NXPE4: variants seen among roughly 807,000 people sequenced by gnomAD.
The protein encoded by NXPE4 is NXPE family member 4.
Under a neutral mutation model 33.3 loss-of-function variants are expected in NXPE4, and 42 were observed. That is an observed-to-expected ratio of 1.26 (90% CI 0.98 to 1.63). The LOEUF (loss-of-function observed/expected upper bound fraction) is 1.63, where lower values mean the gene tolerates loss of function less well. Among genes scored for constraint, NXPE4 ranks in the 40% most tolerant of loss-of-function variants. NXPE4 has a pLI of 0.00. For missense variants in NXPE4, 709 were observed against 647.6 expected (o/e 1.09, Z -1.03); for synonymous variants, 253 against 234.9 (o/e 1.08, Z -0.71).
intron 5 of NXPE4, among the ~76,000 whole-genome samples, chr11:114,575,021 C>T (rs778325946): frequency 1.6e-4 from 24 of 151,930 alleles, no homozygotes; most frequent in Non-Finnish European, 2.4e-4. Flanking sequence ...ATACCAGGGA[C>T]GCAGGGATGG....
upstream of NXPE4, among the ~76,000 whole-genome samples, chr11:114,598,707 G>C (rs925197434): frequency 6.6e-6 from 1 of 151,992 alleles, no homozygotes; most frequent in Non-Finnish European, 1.5e-5. Context: ...GGGATGCAGG[G>C]ACCAGTGTTT....
upstream of NXPE4, among the ~76,000 whole-genome samples, chr11:114,597,348 T>TA (rs748190354): frequency 4.6e-5 from 7 of 152,208 alleles, no homozygotes; most frequent in Admixed American, 1.3e-4. Flanking sequence ...TGAATGATAT[T>TA]AACCAGGGGT....
At chr11:114,593,646 A>T (rs941570391) in intron 2 of NXPE4, among the ~76,000 whole-genome samples, 4 of 152,104 alleles carry the variant, frequency 2.6e-5, no homozygotes, top group Non-Finnish European at 5.9e-5. Flanking sequence ...ATAGGCTACC[A>T]TATGATCCAG....
the NXPE4 span, among the ~76,000 whole-genome samples, chr11:114,663,626 T>TATCTATC: frequency 1.8e-4 from 10 of 55,660 alleles, no homozygotes; most frequent in East Asian, 2.9e-3. Context: ...TCTATCTATC[T>TATCTATC]ATCTATCTAT....
chr11:114,664,544 A>G, the NXPE4 span, among the ~76,000 whole-genome samples: 1 of 152,132 alleles, frequency 6.6e-6, no homozygotes, highest in African/African-American at 2.4e-5. Context: ...ACATTTGCTC[A>G]CTGTCAGACT....
chr11:114,630,354 T>G, the NXPE4 span, among the ~76,000 whole-genome samples: 2 of 151,668 alleles, frequency 1.3e-5, no homozygotes, highest in African/African-American at 4.9e-5. Flanking sequence ...AACATAGCCC[T>G]CAGAAATAAC....
intron 2 of NXPE4, among the ~76,000 whole-genome samples, chr11:114,594,133 C>A (rs1949524876): frequency 6.6e-6 from 1 of 152,014 alleles, no homozygotes; most frequent in East Asian, 1.9e-4. Flanking sequence ...AGGGTAACTA[C>A]AATCACCAAT....
the NXPE4 span, among the ~76,000 whole-genome samples, chr11:114,627,098 G>A: frequency 6.6e-6 from 1 of 152,156 alleles, no homozygotes; most frequent in South Asian, 2.1e-4. Context: ...ACACTCTGCA[G>A]GATATTATCC....
At chr11:114,671,865 A>G in the NXPE4 span, among the ~76,000 whole-genome samples, 1 of 152,044 alleles carries the variant, frequency 6.6e-6, no homozygotes, top group Non-Finnish European at 1.5e-5. Context: ...CACACACTAT[A>G]TTAGTCTGTT....
At chr11:114,587,653 G>T (rs777230332) in intron 2 of NXPE4, among the ~76,000 whole-genome samples, 1 of 152,322 alleles carries the variant, frequency 6.6e-6, no homozygotes, top group Admixed American at 6.5e-5. Context: ...GGCTCAGGGC[G>T]CCAAGGAGGG....
chr11:114,645,804 A>C, the NXPE4 span, among the ~76,000 whole-genome samples: 5 of 152,200 alleles, frequency 3.3e-5, no homozygotes, highest in East Asian at 5.8e-4. Flanking sequence ...TGAGAATTCA[A>C]ATCACAGTGA....
At chr11:114,583,949 G>T in intron 2 of NXPE4, 1 of 390,888 alleles carries the variant, frequency 2.6e-6, no homozygotes, top group Non-Finnish European at 5.0e-6. Flanking sequence ...AGATGGGATT[G>T]ATGATGAGTC....
At chr11:114,626,003 C>T in the NXPE4 span, among the ~76,000 whole-genome samples, 39 of 152,312 alleles carry the variant, frequency 2.6e-4, no homozygotes, top group East Asian at 4.6e-3. Context: ...GATTATATCC[C>T]GCATTTGGCT....
chr11:114,623,288 C>A, the NXPE4 span, among the ~76,000 whole-genome samples: 1 of 151,982 alleles, frequency 6.6e-6, no homozygotes, highest in African/African-American at 2.4e-5. Flanking sequence ...ACAACTGTTA[C>A]CCAGTGGATA....
chr11:114,666,234 A>T, the NXPE4 span, among the ~76,000 whole-genome samples: 3 of 152,058 alleles, frequency 2.0e-5, no homozygotes, highest in Non-Finnish European at 2.9e-5. Context: ...TAGCAGATTC[A>T]TTCCTCTTTA....
chr11:114,636,365 T>G, the NXPE4 span, among the ~76,000 whole-genome samples: 2 of 152,080 alleles, frequency 1.3e-5, no homozygotes, highest in South Asian at 2.1e-4. Context: ...TTTTTCTTTA[T>G]TAGTCTGCTA....
intron 1 of NXPE4, among the ~76,000 whole-genome samples, chr11:114,595,184 T>G (rs1346955558): frequency 6.6e-6 from 1 of 152,194 alleles, no homozygotes; most frequent in Non-Finnish European, 1.5e-5. Context: ...CAGTGCCTGT[T>G]GAATGCAAAT....
the NXPE4 span, among the ~76,000 whole-genome samples, chr11:114,668,291 T>G: frequency 6.6e-6 from 1 of 151,992 alleles, no homozygotes; most frequent in African/African-American, 2.4e-5. Flanking sequence ...GACAGGCTCC[T>G]GCTTGTCTGC....
the NXPE4 span, among the ~76,000 whole-genome samples, chr11:114,637,469 A>G: frequency 5.9e-5 from 9 of 151,618 alleles, no homozygotes; most frequent in African/African-American, 1.9e-4. Context: ...TTACATTTAA[A>G]GTTAATATTG....
Sources: gnomAD v4.1 joint callset for allele counts (sites outside exome capture counted in the v4.1 genomes callset) on GRCh38, gnomAD v4.1.1 for gene constraint, MANE v1.5 for transcripts, NCBI Gene and HGNC (gene_info 2026-07-23, HGNC 2026-07-21) for gene names.